The following UGT2A1 variants were observed in gnomAD, a reference collection of about 807,000 sequenced individuals.
UGT2A1 encodes UDP-glucuronosyltransferase 2A1.
UGT2A1 carries 61 observed loss-of-function variants against 45.4 expected under a neutral mutation model. The ratio of observed to expected loss-of-function variants is 1.34; its 90% CI spans 1.09 to 1.66. The LOEUF is 1.66. Ranked by LOEUF, UGT2A1 falls within the 40% of genes most tolerant of loss-of-function variation. The pLI, the probability that UGT2A1 is intolerant of heterozygous loss-of-function variation, is 0.00. For synonymous variants in UGT2A1, 229 were observed against 196.2 expected (o/e 1.17, Z -1.40); for missense variants, 649 against 574.3 (o/e 1.13, Z -1.33).
At chr4:69,628,907 G>C (rs1230612004) in intron 3 of UGT2A1, among the ~76,000 whole-genome samples, 1 of 151,548 alleles carries the variant, frequency 6.6e-6, no homozygotes, top group African/African-American at 2.4e-5. Context: ...TCTACACTGA[G>C]AGAGATAATC....
rs898361189 is a variant in UGT2A1 at position 69,627,612 on chromosome 4, AAGAG to A, written c.847+8075_847+8078del. ...AAAGAAGAAAGAAAAGAAAGAAAGA[AAGAG>A]AAGAAAGAAAAAAGAAAATCTCCTA... On this transcript the variant is annotated intron_variant, in intron 3 of 6. Coordinates refer to ENST00000286604, the MANE Select transcript of UGT2A1 (RefSeq NM_001252275.3). Among the ~76,000 whole-genome samples, 10 of 151,346 alleles carry A rather than the reference AAGAG, an allele frequency of 6.6e-5. No individual in the cohort carries two copies. The East Asian group carries it at 1.4e-3, about 21-fold the overall frequency.
intron 1 of UGT2A1, among the ~76,000 whole-genome samples, chr4:69,648,989 A>G (rs923428723): frequency 2.0e-5 from 3 of 152,090 alleles, no homozygotes; most frequent in African/African-American, 7.2e-5. Flanking sequence ...ATGCTAACAC[A>G]ATACAAAATT....
chr4:69,605,648 A>G (rs1719563211), intron 3 of UGT2A1, among the ~76,000 whole-genome samples: 1 of 136,806 alleles, frequency 7.3e-6, no homozygotes, highest in Admixed American at 7.2e-5. Context: ...GTTTTTTGAA[A>G]AGATCAACCA....
chr4:69,629,651 A>C (rs1721278368), intron 3 of UGT2A1, among the ~76,000 whole-genome samples: 1 of 152,066 alleles, frequency 6.6e-6, no homozygotes. Flanking sequence ...CCGTCACCAC[A>C]TATCATTTCT....
At chr4:69,602,462 TTTATCTATCTA>T (rs373881652) in intron 3 of UGT2A1, among the ~76,000 whole-genome samples, 2,910 of 120,776 alleles carry the variant, frequency 0.024, 545 homozygotes, top group African/African-American at 0.033. Context: ...GATTTAGGAG[TTTATCTATCTA>T]TCTATCTATC....
At chr4:69,628,971 T>C (rs1473226135) in intron 3 of UGT2A1, among the ~76,000 whole-genome samples, 2 of 151,870 alleles carry the variant, frequency 1.3e-5, no homozygotes, top group Admixed American at 6.6e-5. Flanking sequence ...TGAACCCAAA[T>C]TGATACCAAA....
Position 69,606,553 on chromosome 4 carries a change from G to C in UGT2A1, c.848-7159C>G, listed in dbSNP as rs1266693422. Among the ~76,000 whole-genome samples the C allele has an allele frequency of 3.7e-5, 5 of 136,310 alleles. 2 individuals are homozygous for C. Among genetic ancestry groups the C allele is most frequent in the African/African-American group, 9.0e-5 (3 of 33,518 alleles). 89.4% of individuals were successfully genotyped at this position (136,310 alleles called of 152,430 possible). A position where few individuals can be genotyped will look rare whatever the true frequency, so the allele number is the denominator to read the frequency against. The stretch of plus-strand genomic sequence containing the variant: ...TCTCTCACCACTCCTATTCAACATA[G>C]TGTTGGAAGTTCTGGCCAGTGCAAT... On this transcript the variant is annotated intron_variant, in intron 3 of 6. Coordinates refer to ENST00000286604, the MANE Select transcript of UGT2A1 (RefSeq NM_001252275.3).
At chr4:69,634,079 A>C (rs999148594) in intron 3 of UGT2A1, among the ~76,000 whole-genome samples, 1 of 152,022 alleles carries the variant, frequency 6.6e-6, no homozygotes, top group African/African-American at 2.4e-5. Flanking sequence ...CCCCGTCTCT[A>C]CTAAAAATAC....
intron 4 of UGT2A1, chr4:69,596,389 CATAAT>C: frequency 6.4e-7 from 1 of 1,561,880 alleles, no homozygotes; most frequent in East Asian, 2.3e-5. Context: ...TTCCTGCATA[CATAAT>C]ATATTTTCTA....
chr4:69,596,475 T>A (rs1718940507), intron 4 of UGT2A1: 1 of 1,359,966 alleles, frequency 7.4e-7, no homozygotes, highest in African/African-American at 1.5e-5. Flanking sequence ...TTAAGATATA[T>A]GTCAGAGAAA....
intron 3 of UGT2A1, among the ~76,000 whole-genome samples, chr4:69,607,326 C>G (rs1190581212): frequency 6.6e-6 from 1 of 151,340 alleles, no homozygotes; most frequent in Non-Finnish European, 1.5e-5. Context: ...GGAAATGATT[C>G]CCTATTTAAT....
At chr4:69,613,547 C>G (rs747166392) in intron 3 of UGT2A1, among the ~76,000 whole-genome samples, 1 of 151,948 alleles carries the variant, frequency 6.6e-6, no homozygotes, top group Non-Finnish European at 1.5e-5. Flanking sequence ...AGGCCAATAT[C>G]TGTGATGAAC....
intron 2 of UGT2A1, among the ~76,000 whole-genome samples, chr4:69,642,261 T>A (rs1722079762): frequency 6.6e-6 from 1 of 151,804 alleles, no homozygotes; most frequent in Non-Finnish European, 1.5e-5. Context: ...AATGTCCCAA[T>A]GTCAATTACA....
intron 1 of UGT2A1, among the ~76,000 whole-genome samples, chr4:69,652,212 C>G (rs1031643310): frequency 4.0e-5 from 6 of 151,552 alleles, no homozygotes; most frequent in Admixed American, 1.3e-4. Flanking sequence ...AAGGAGTTAG[C>G]ATGGCATTCA....
intron 3 of UGT2A1, among the ~76,000 whole-genome samples, chr4:69,617,512 T>C (rs1720471963): frequency 6.6e-6 from 1 of 151,916 alleles, no homozygotes; most frequent in South Asian, 2.1e-4. Flanking sequence ...ACACACAACA[T>C]ATTTAATAGG....
chr4:69,598,299 G>T (rs2109887734), intron 4 of UGT2A1, among the ~76,000 whole-genome samples: 1 of 152,198 alleles, frequency 6.6e-6, no homozygotes, highest in South Asian at 2.1e-4. Context: ...GATTACATTT[G>T]CTTGTGTATA....
chr4:69,636,094 A>C (rs1721693771), intron 2 of UGT2A1, among the ~76,000 whole-genome samples: 1 of 152,146 alleles, frequency 6.6e-6, no homozygotes. Flanking sequence ...TAACTGGTGC[A>C]ATCAAATATG....
Position 69,594,515 on chromosome 4 carries a change from A to C in UGT2A1, c.1266T>G (p.Asp422Glu), listed in dbSNP as rs769483461. ...TGACTGTTCTCAAAGCGCTAAGCAA[A>C]TCCACACTTGTCATTGTGTTTAGGT... ...EVNLNTMTSV[D>E]LLSALRTVIN... Residue 422 changes from aspartate (D) to glutamate (E), a missense_variant, in exon 6 of 7, where the codon GAT becomes GAG. By Grantham distance (45) the Asp-to-Glu change is conservative. Transcript: ENST00000286604. 1.4e-5 allele frequency: 23 copies of C among 1,614,046 alleles called. No homozygotes were observed. The highest frequency in any genetic ancestry group is 1.9e-5 in the Non-Finnish European group (23 of 1,180,036).
rs1718430033 is a variant in UGT2A1 at position 69,589,134 on chromosome 4, G to A, written c.*238C>T. 2.7e-6 allele frequency: 1 copy of A among 372,596 alleles called. No individual in the cohort carries two copies. The highest frequency in any genetic ancestry group is 4.6e-6 in the Non-Finnish European group (1 of 216,650). The allele number at this position is 372,596 out of a possible 1,614,324, so 23.1% of individuals were successfully genotyped here. On this transcript the variant is annotated 3_prime_UTR_variant, in exon 7 of 7. Coordinates refer to ENST00000286604, the MANE Select transcript of UGT2A1 (RefSeq NM_001252275.3). Reference sequence around the variant, plus strand: ...TGTGTCAGAAAAGTGACAGGAAGAGGGTATAGTCAGCAGGGAGAGACAAAG... The same window carrying A: ...TGTGTCAGAAAAGTGACAGGAAGAGAGTATAGTCAGCAGGGAGAGACAAAG...
Sources: allele counts gnomAD v4.1 joint callset (sites outside exome capture counted in the v4.1 genomes callset), GRCh38; gene constraint gnomAD v4.1.1; transcripts MANE v1.5; gene names NCBI Gene and HGNC (gene_info 2026-07-23, HGNC 2026-07-21).